ZSWIM5: variants seen among roughly 807,000 people sequenced by gnomAD.
ZSWIM5 encodes zinc finger SWIM domain-containing protein 5.
Under a neutral mutation model 119.6 loss-of-function variants are expected in ZSWIM5, and 55 were observed. The observed-to-expected ratio is 0.46, with a 90% CI of 0.37 to 0.58. ZSWIM5 has a LOEUF of 0.58. ZSWIM5 is among the 20% of genes least tolerant of loss of function. ZSWIM5 has a pLI of 0.00. For synonymous variants in ZSWIM5, 537 were observed against 606.9 expected (o/e 0.88, Z 1.69); for missense variants, 1,193 against 1,512.8 (o/e 0.79, Z 3.51).
At chr1:45,031,343 ATT>A (rs752455424) in intron 11 of ZSWIM5, among the ~76,000 whole-genome samples, 1 of 143,862 alleles carries the variant, frequency 7.0e-6, no homozygotes. Flanking sequence ...TGCTCACGCA[ATT>A]TTTTTTTTTT....
intron 1 of ZSWIM5, among the ~76,000 whole-genome samples, chr1:45,139,361 C>A (rs1645711401): frequency 6.6e-6 from 1 of 150,988 alleles, no homozygotes; most frequent in African/African-American, 2.4e-5. Flanking sequence ...TCTTTCTTTT[C>A]TTTTCTTTTT....
chr1:45,083,675 T>C (rs1450499930), intron 2 of ZSWIM5, among the ~76,000 whole-genome samples: 1 of 152,234 alleles, frequency 6.6e-6, no homozygotes, highest in Admixed American at 6.5e-5. Flanking sequence ...CATTGCCTCT[T>C]TCACACTAGT....
chr1:45,163,209 G>A (rs1460009774), intron 1 of ZSWIM5, among the ~76,000 whole-genome samples: 1 of 152,132 alleles, frequency 6.6e-6, no homozygotes, highest in Non-Finnish European at 1.5e-5. Context: ...AGGTAAACAG[G>A]GTCTGGAGTG....
intron 11 of ZSWIM5, among the ~76,000 whole-genome samples, chr1:45,025,805 T>TA (rs1202521726): frequency 2.0e-5 from 3 of 152,224 alleles, no homozygotes; most frequent in Non-Finnish European, 2.9e-5. Context: ...ATCCCTGGCT[T>TA]ACAATGATTT....
At chr1:45,022,219 C>T (rs1644892066) in intron 11 of ZSWIM5, among the ~76,000 whole-genome samples, 1 of 151,560 alleles carries the variant, frequency 6.6e-6, no homozygotes, top group Non-Finnish European at 1.5e-5. Flanking sequence ...CAAGCTCCGC[C>T]TCCCAGGTTC....
intron 2 of ZSWIM5, among the ~76,000 whole-genome samples, chr1:45,069,357 C>T (rs1429372446): frequency 6.6e-6 from 1 of 150,816 alleles, no homozygotes; most frequent in African/African-American, 2.4e-5. Flanking sequence ...ACCCGGGAGG[C>T]GGAGCTTGCA....
At chr1:45,160,074 C>A (rs1645854075) in intron 1 of ZSWIM5, among the ~76,000 whole-genome samples, 1 of 152,084 alleles carries the variant, frequency 6.6e-6, no homozygotes, top group African/African-American at 2.4e-5. Flanking sequence ...CTTTAAGGGT[C>A]TGCTGTAATT....
intron 11 of ZSWIM5, among the ~76,000 whole-genome samples, chr1:45,030,685 C>A (rs1395967454): frequency 1.3e-5 from 2 of 152,102 alleles, no homozygotes; most frequent in Non-Finnish European, 2.9e-5. Flanking sequence ...TCTTTAGAAT[C>A]TGTAGTGATA....
intron 2 of ZSWIM5, among the ~76,000 whole-genome samples, chr1:45,080,925 T>C (rs945351949): frequency 2.6e-5 from 4 of 152,090 alleles, no homozygotes; most frequent in African/African-American, 9.7e-5. Context: ...TACAAACACA[T>C]ATAGGGACTA....
intron 1 of ZSWIM5, among the ~76,000 whole-genome samples, chr1:45,093,654 G>A (rs1292377751): frequency 6.6e-6 from 1 of 152,106 alleles, no homozygotes; most frequent in Non-Finnish European, 1.5e-5. Context: ...ATCTTAAAAG[G>A]GAAGTCCCTT....
At chr1:45,085,290 TTCCCTCCTAGG>T (rs1645320261) in intron 2 of ZSWIM5, among the ~76,000 whole-genome samples, 1 of 152,190 alleles carries the variant, frequency 6.6e-6, no homozygotes, top group African/African-American at 2.4e-5. Context: ...GAAACCATTC[TTCCCTCCTAGG>T]TCTCTGGGCC....
chr1:45,159,472 C>T (rs1645850079), intron 1 of ZSWIM5, among the ~76,000 whole-genome samples: 1 of 152,056 alleles, frequency 6.6e-6, no homozygotes, highest in South Asian at 2.1e-4. Flanking sequence ...CAGTAACTAC[C>T]AAATAAATAT....
At chr1:45,203,502 T>C (rs1434447406) in intron 1 of ZSWIM5, among the ~76,000 whole-genome samples, 3 of 152,068 alleles carry the variant, frequency 2.0e-5, no homozygotes, top group Non-Finnish European at 2.9e-5. Context: ...TTCTATCGTT[T>C]AGAAACAGTA....
At chr1:45,075,547 T>A (rs917954808) in intron 2 of ZSWIM5, among the ~76,000 whole-genome samples, 4 of 152,358 alleles carry the variant, frequency 2.6e-5, no homozygotes, top group African/African-American at 9.6e-5. Context: ...TTGTTTCCAT[T>A]GACATGAAAT....
At chr1:45,049,244 G>A (rs1406744882) in intron 5 of ZSWIM5, among the ~76,000 whole-genome samples, 1 of 152,200 alleles carries the variant, frequency 6.6e-6, no homozygotes, top group Non-Finnish European at 1.5e-5. Flanking sequence ...GAGGTCTACA[G>A]ATGACAAAAA....
chr1:45,020,653 A>G lies in ZSWIM5; in HGVS notation c.2585T>C (p.Leu862Pro). 1 of 1,613,916 alleles carries G rather than the reference A, an allele frequency of 6.2e-7. No homozygotes were observed. The highest frequency in any genetic ancestry group is 8.5e-7 in the Non-Finnish European group (1 of 1,179,982). The change falls in exon 12 of 14, where the codon CTC becomes CCC. Residue 862 changes from leucine to proline, a missense_variant. Transcript: ENST00000359600. Reference protein sequence around the residue: ...PTDSSTDSTLLNVALELGLQV... With the variant: ...PTDSSTDSTLPNVALELGLQV... ...TAACCCAAGTTCCAGGGCAACGTTGAGCAGGGTGCTGTCAGTACTACTGTC... is the reference window on the plus strand; with the variant it reads ...TAACCCAAGTTCCAGGGCAACGTTGGGCAGGGTGCTGTCAGTACTACTGTC...
chr1:45,134,161 G>A (rs1223639051), intron 1 of ZSWIM5, among the ~76,000 whole-genome samples: 1 of 152,166 alleles, frequency 6.6e-6, no homozygotes, highest in Non-Finnish European at 1.5e-5. Context: ...GTCACTGGTA[G>A]CTTGATGGTG....
At chr1:45,149,542 A>G (rs1302922661) in intron 1 of ZSWIM5, among the ~76,000 whole-genome samples, 6 of 152,230 alleles carry the variant, frequency 3.9e-5, no homozygotes, top group Non-Finnish European at 8.8e-5. Context: ...GGACTGATTT[A>G]TAGCTTTTTA....
chr1:45,128,469 G>T (rs1645635146), intron 1 of ZSWIM5, among the ~76,000 whole-genome samples: 1 of 152,174 alleles, frequency 6.6e-6, no homozygotes, highest in Admixed American at 6.6e-5. Flanking sequence ...AAAGTGCTGG[G>T]ATTACAGGTG....
Sources: gnomAD v4.1 joint callset for allele counts (sites outside exome capture counted in the v4.1 genomes callset) on GRCh38, gnomAD v4.1.1 for gene constraint, MANE v1.5 for transcripts, NCBI Gene and HGNC (gene_info 2026-07-23, HGNC 2026-07-21) for gene names.